HNF4A: variants seen among roughly 807,000 people sequenced by gnomAD.
HNF4A encodes the protein hepatocyte nuclear factor 4-alpha.
A neutral mutation model predicts 52.4 loss-of-function variants in HNF4A; 15 were observed. The observed-to-expected ratio is 0.29, with a 90% CI of 0.19 to 0.44. The LOEUF is 0.44. Among genes scored for constraint, HNF4A ranks in the 20% least tolerant of loss-of-function variants. HNF4A has a pLI of 1.00. For synonymous variants in HNF4A, 280 were observed against 264.4 expected (o/e 1.06, Z -0.57); for missense variants, 479 against 647.2 (o/e 0.74, Z 2.82).
rs2063316072 is a variant in HNF4A, at chr20:44,392,761, T to C, written c.50-13297T>C. Reference sequence around the variant, plus strand: ...CCAAGGCCAGGGAGGGAAATGACCTTGCCCAAGGACACACAGTGGCTGGAA... The same window carrying C: ...CCAAGGCCAGGGAGGGAAATGACCTCGCCCAAGGACACACAGTGGCTGGAA... On this transcript the variant is annotated intron_variant, in intron 1 of 9. Coordinates refer to the HNF4A transcript ENST00000316673. Among the ~76,000 whole-genome samples, 3 of 152,200 alleles carry C rather than the reference T, an allele frequency of 2.0e-5. No individual in the cohort carries two copies. In the South Asian group the frequency reaches 6.2e-4, roughly 32 times the overall value.
At chr20:44,406,761 A>G (rs943153287) in intron 2 of HNF4A, among the ~76,000 whole-genome samples, 1 of 152,248 alleles carries the variant, frequency 6.6e-6, no homozygotes, top group African/African-American at 2.4e-5. Context: ...CTTGTCATGT[A>G]CAAAGACTGT....
At chr20:44,421,820 A>G (rs942385046) in intron 7 of HNF4A, among the ~76,000 whole-genome samples, 6 of 146,800 alleles carry the variant, frequency 4.1e-5, no homozygotes, top group Non-Finnish European at 9.0e-5. Flanking sequence ...ATAGTGATAT[A>G]TATAGTATAT....
intron 1 of HNF4A, among the ~76,000 whole-genome samples, chr20:44,387,566 TTTGTACAAGATCACCC>T (rs1422520874): frequency 1.3e-5 from 2 of 148,224 alleles, no homozygotes; most frequent in East Asian, 4.0e-4. Flanking sequence ...CCAATGTACA[TTTGTACAAGATCACCC>T]TTGGCCCCTG....
chr20:44,373,147 G>A (rs1418905160), intron 1 of HNF4A: 1 of 152,134 alleles, frequency 6.6e-6, no homozygotes, highest in Non-Finnish European at 1.5e-5. Context: ...GGCATTTGGA[G>A]TAAATCTGAT....
At chr20:44,403,948 G>C (rs1325661410) in intron 1 of HNF4A, among the ~76,000 whole-genome samples, 2 of 152,142 alleles carry the variant, frequency 1.3e-5, no homozygotes, top group Non-Finnish European at 2.9e-5. Context: ...TCTCCCCGGG[G>C]GTCGGGGGAG....
At chr20:44,433,184 G>A (rs527346153), downstream of HNF4A, 4 of 152,258 alleles carry the variant, frequency 2.6e-5, no homozygotes, top group Non-Finnish European at 4.4e-5. Flanking sequence ...CTTGAAGAGG[G>A]GAGTGATGAG....
chr20:44,414,832 CAGTT>C (rs752216331), intron 5 of HNF4A, among the ~76,000 whole-genome samples, 170 bp downstream of exon 5: 17 of 152,336 alleles, frequency 1.1e-4, no homozygotes, highest in East Asian at 1.9e-4. Flanking sequence ...AATATTAACT[CAGTT>C]AGCTCCTCCA....
chr20:44,390,128 G>A (rs1039054655), intron 1 of HNF4A, among the ~76,000 whole-genome samples: 1 of 152,108 alleles, frequency 6.6e-6, no homozygotes, highest in African/African-American at 2.4e-5. Flanking sequence ...GGGAAAAGCT[G>A]AGCTTCAAGC....
chr20:44,401,477 G>T lies in HNF4A; in HGVS notation c.105G>T (p.Thr35=). The T allele has an allele frequency of 6.2e-7, 1 of 1,614,238 alleles. No homozygotes were observed. The highest frequency in any genetic ancestry group is 1.6e-4 in the Middle Eastern group (1 of 6,062). ...AATTTGAGAATGTGCAGGTGTTGACGATGGGCAATGGTAGGTGGGGGCAGA... is the reference window on the plus strand; with the variant it reads ...AATTTGAGAATGTGCAGGTGTTGACTATGGGCAATGGTAGGTGGGGGCAGA... Residue 35 remains threonine (T), a synonymous_variant, in exon 1 of 10, where the codon ACG becomes ACT. Transcript: ENST00000316099.
At chr20:44,411,413 A>G (rs556797374) in intron 3 of HNF4A, among the ~76,000 whole-genome samples, 2 of 152,304 alleles carry the variant, frequency 1.3e-5, no homozygotes, top group African/African-American at 2.4e-5. Context: ...ACGCCCGCCT[A>G]ACCTTGAGGA....
At chr20:44,425,715 C>T (rs1049369128) in intron 8 of HNF4A, among the ~76,000 whole-genome samples, 4 of 142,320 alleles carry the variant, frequency 2.8e-5, no homozygotes, top group Non-Finnish European at 4.5e-5. Flanking sequence ...AGTGCAGTGG[C>T]GCAATCATAG....
At chr20:44,416,363 G>A (rs945687189) in intron 5 of HNF4A, among the ~76,000 whole-genome samples, 1 of 152,252 alleles carries the variant, frequency 6.6e-6, no homozygotes, top group Non-Finnish European at 1.5e-5. Context: ...TACAATTGCA[G>A]AAAGAGATTG....
intron 1 of HNF4A, among the ~76,000 whole-genome samples, chr20:44,358,092 A>G (rs1269078824): frequency 6.8e-6 from 1 of 148,070 alleles, no homozygotes; most frequent in Non-Finnish European, 1.5e-5. Context: ...TATTTTTGAT[A>G]AAATACACCT....
rs987691648 is a variant in HNF4A, at chr20:44,407,262, C to T, written c.291-119C>T. 34 of 771,386 alleles carry T rather than the reference C, an allele frequency of 4.4e-5. No individual in the cohort carries two copies. The African/African-American group carries it at 4.5e-4, about 10-fold the overall frequency. 47.8% of individuals were successfully genotyped at this position (771,386 alleles called of 1,614,324 possible). A position where few individuals can be genotyped will look rare whatever the true frequency, so the allele number is the denominator to read the frequency against. ...CCTGGTGGGTTCAAGAGAGAACTCC[C>T]GGGATGAAGAGATGAGAGCACTGAG... On this transcript the variant is annotated intron_variant, in intron 2 of 9. Coordinates refer to ENST00000316099, the MANE Select transcript of HNF4A (RefSeq NM_000457.6).
downstream of HNF4A, chr20:44,434,480 G>C (rs1429657019): frequency 1.3e-5 from 2 of 150,880 alleles, no homozygotes; most frequent in African/African-American, 4.9e-5. Context: ...ACGTTGCAAC[G>C]GAGGCCTTGT....
At chr20:44,418,295 G>A in intron 5 of HNF4A, 130 bp from the exon 6 acceptor site, 1 of 782,322 alleles carries the variant, frequency 1.3e-6, no homozygotes, top group Non-Finnish European at 2.3e-6. Context: ...GTTTTATGAT[G>A]CCCATTTCAC....
intron 1 of HNF4A, among the ~76,000 whole-genome samples, chr20:44,381,767 C>T (rs1476871527): frequency 1.3e-5 from 2 of 152,102 alleles, no homozygotes; most frequent in South Asian, 2.1e-4. Flanking sequence ...ACTGCCACCA[C>T]GCCCGGCTAA....
chr20:44,378,728 C>T (rs921382211), intron 1 of HNF4A, among the ~76,000 whole-genome samples: 13 of 151,896 alleles, frequency 8.6e-5, no homozygotes, highest in Non-Finnish European at 1.9e-4. Context: ...GAAACCTCGT[C>T]TCTACTAAAA....
intron 1 of HNF4A, among the ~76,000 whole-genome samples, chr20:44,362,775 G>A (rs1354764744): frequency 6.6e-6 from 1 of 151,850 alleles, no homozygotes; most frequent in Admixed American, 6.6e-5. Flanking sequence ...TGTCATAATA[G>A]CATCCAAGGA....
Sources: gnomAD v4.1 joint callset for allele counts (sites outside exome capture counted in the v4.1 genomes callset) on GRCh38, gnomAD v4.1.1 for gene constraint, MANE v1.5 for transcripts, NCBI Gene and HGNC (gene_info 2026-07-23, HGNC 2026-07-21) for gene names.